Variants in MLF2 observed in about 807,000 individuals in gnomAD.
MLF2 encodes myeloid leukemia factor 2, also known as myelodysplasia-myeloid leukemia factor 2.
In MLF2, 12 loss-of-function variants were observed where a neutral mutation model predicts 31.4. That is an observed-to-expected ratio of 0.38 (90% CI 0.24 to 0.62). The LOEUF is 0.62. MLF2 is among the 20% of genes least tolerant of loss of function. The pLI is 0.58. For missense variants in MLF2, 272 were observed against 359.7 expected, an observed-to-expected ratio of 0.76 and a Z score of 1.97; for synonymous variants, 109 against 118.8, an observed-to-expected ratio of 0.92 and a Z score of 0.54.
intron 4 of MLF2, 100 bp downstream of exon 4, chr12:6,751,541 G>A: frequency 7.6e-7 from 1 of 1,310,102 alleles, no homozygotes. Context: ...AAGATTCTGG[G>A]GTTACTCATG....
rs1941580698 is a variant in MLF2 at position 6,749,669 on chromosome 12, C to T, written c.559+179G>A. ...GGCGGAGGTTGCAGTGAGCTGAGAT[C>T]GCGCCACTGCACTCCAGCCTGGGCA... is the stretch of plus-strand genomic sequence containing the variant. On this transcript the variant is annotated intron_variant, in intron 7 of 8. Transcript: ENST00000203630. The surrounding 1 kb of genome is among the most constrained non-coding windows in gnomAD (Gnocchi z 5.3). 9.0e-6 allele frequency: 7 copies of T among 779,894 alleles called. No individual in the cohort carries two copies. The highest frequency in any genetic ancestry group is 8.1e-5 in the Admixed American group (3 of 37,076). The allele number at this position is 779,894 out of a possible 1,614,324, so 48.3% of individuals were successfully genotyped here.
chr12:6,749,761 C>A lies in MLF2; in HGVS notation c.559+87G>T. 2 of 1,508,478 alleles carry A rather than the reference C, an allele frequency of 1.3e-6. No homozygotes were observed. Among genetic ancestry groups the A allele is most frequent in the South Asian group, 2.4e-5 (2 of 84,568 alleles). 93.4% of individuals were successfully genotyped at this position (1,508,478 alleles called of 1,614,324 possible). A position where few individuals can be genotyped will look rare whatever the true frequency, so the allele number is the denominator to read the frequency against. On this transcript the variant is annotated intron_variant, in intron 7 of 8. Coordinates refer to ENST00000203630, the MANE Select transcript of MLF2 (RefSeq NM_001382226.1). This position sits in a 1 kb window ranked among gnomAD's most constrained non-coding sequence, Gnocchi z 5.3. ...AAAGGAATATGGGGCTGACCCAGAG[C>A]TTTGCCCCAGAAGTGTCTATGTGTT...
In MLF2 at chr12:6,752,165, G is replaced by A. The variant is rs1941626250; in HGVS notation, c.51-111C>T. 2.6e-6 allele frequency: 4 copies of A among 1,556,866 alleles called. No homozygotes were observed. In the East Asian group the frequency reaches 9.3e-5, roughly 36 times the overall value. ...ACAGTGGCACCGATGCCTACTTCCT[G>A]CTAGGTAGGAGCTAGGTATCCAGCC... On this transcript the variant is annotated intron_variant, in intron 2 of 8. Coordinates refer to ENST00000203630, the MANE Select transcript of MLF2 (RefSeq NM_001382226.1). This position sits in a 1 kb window ranked among gnomAD's most constrained non-coding sequence, Gnocchi z 4.6.
Position 6,751,480 on chromosome 12 carries a change from G to A in MLF2, c.216+161C>T, listed in dbSNP as rs115878800. 2.8e-3 allele frequency among the ~76,000 whole-genome samples: 432 copies of A among 152,194 alleles called. 4 individuals carry two copies. The highest frequency in any genetic ancestry group is 0.01 in the African/African-American group (418 of 41,540). On this transcript the variant is annotated intron_variant, in intron 4 of 8. Transcript: ENST00000203630. Reference sequence around the variant, plus strand: ...AAGAGTTTAACACCTTTAACCCACAGGGCTCCTAGTACCCAACAGGCTCAG... The same window carrying A: ...AAGAGTTTAACACCTTTAACCCACAAGGCTCCTAGTACCCAACAGGCTCAG...
chr12:6,750,341 G>A lies in MLF2; in HGVS notation c.271-36C>T, dbSNP rs1375112317. Reference sequence around the variant, plus strand: ...GGTAGGTAGGGGAGGGCTGAATGGGGAGGCATCACCCCTGGTGAAGGGATT... The same window carrying A: ...GGTAGGTAGGGGAGGGCTGAATGGGAAGGCATCACCCCTGGTGAAGGGATT... On this transcript the variant is annotated intron_variant, in intron 5 of 8. Coordinates refer to ENST00000203630, the MANE Select transcript of MLF2 (RefSeq NM_001382226.1). The surrounding 1 kb of genome is among the most constrained non-coding windows in gnomAD (Gnocchi z 5.3). 3.1e-6 allele frequency: 5 copies of A among 1,607,732 alleles called. No individual in the cohort carries two copies. The African/African-American group carries it at 5.3e-5, about 17-fold the overall frequency.
At chr12:6,751,187 A>C in intron 4 of MLF2, 1 of 261,490 alleles carries the variant, frequency 3.8e-6, no homozygotes, top group Non-Finnish European at 7.4e-6. Context: ...ATGCGTATGA[A>C]CTTCTAGGAG....
In MLF2 at chr12:6,751,647, C is replaced by T. The variant is rs1941616985; in HGVS notation, c.210G>A (p.Leu70=). 2 of 1,613,990 alleles carry T rather than the reference C, an allele frequency of 1.2e-6. No individual in the cohort carries two copies. Among genetic ancestry groups the T allele is most frequent in the African/African-American group, 1.3e-5 (1 of 75,032 alleles). ...QAGAVSPFGM[L]GMSGGFMDMF... ...CAGGGAGATAAAGACTCACCATTCC[C>T]AGCATCCCAAAGGGGGAGACAGCTC... Residue 70 remains leucine, a synonymous_variant, in exon 4 of 9, where the codon CTG becomes CTA. Transcript: ENST00000203630.
At chr12:6,751,522 T>C (rs1384223483) in intron 4 of MLF2, 119 bp downstream of exon 4, 34 of 1,220,860 alleles carry the variant, frequency 2.8e-5, no homozygotes, top group Non-Finnish European at 3.8e-5. Context: ...GTGAATGCCA[T>C]AAAAAGAGAA....
At position 6,749,054 on chromosome 12, in the gene MLF2, C is replaced by G; in HGVS notation, c.560-72G>C. On this transcript the variant is annotated intron_variant, in intron 7 of 8. Transcript: ENST00000203630. This position sits in a 1 kb window ranked among gnomAD's most constrained non-coding sequence, Gnocchi z 5.3. The stretch of plus-strand genomic sequence containing the variant: ...TGGAGGCCGATGTGCGAGCGAGCCA[C>G]AGCTTTTCGGGCCAAAGCGGCGAAG... 3 of 1,444,684 alleles carry G rather than the reference C, an allele frequency of 2.1e-6. No individual in the cohort carries two copies. In the South Asian group the frequency reaches 4.3e-5, roughly 21 times the overall value. 89.5% of individuals were successfully genotyped at this position (1,444,684 alleles called of 1,614,324 possible). A position where few individuals can be genotyped will look rare whatever the true frequency, so the allele number is the denominator to read the frequency against.
Position 6,752,466 on chromosome 12 carries a change from G to A in MLF2, c.-28-104C>T. On this transcript the variant is annotated intron_variant, in intron 1 of 8. Transcript: ENST00000203630. The surrounding 1 kb of genome is among the most constrained non-coding windows in gnomAD (Gnocchi z 4.6). Reference sequence around the variant, plus strand: ...ACTGTCCTTTCCAAATCCTGTAACTGACCCCCTAAACTCCAGGGAGACCCT... The same window carrying A: ...ACTGTCCTTTCCAAATCCTGTAACTAACCCCCTAAACTCCAGGGAGACCCT... The A allele has an allele frequency of 1.1e-6, 1 of 938,280 alleles. No individual in the cohort carries two copies. Among genetic ancestry groups the A allele is most frequent in the Non-Finnish European group, 1.6e-6 (1 of 621,180 alleles). The allele number at this position is 938,280 out of a possible 1,614,324, so 58.1% of individuals were successfully genotyped here.
Position 6,749,438 on chromosome 12 carries a change from G to T in MLF2, c.559+410C>A, listed in dbSNP as rs1048013345. Among the ~76,000 whole-genome samples, 1 of 152,262 alleles carries T rather than the reference G, an allele frequency of 6.6e-6. No individual in the cohort carries two copies. Among genetic ancestry groups the T allele is most frequent in the Non-Finnish European group, 1.5e-5 (1 of 68,044 alleles). On this transcript the variant is annotated intron_variant, in intron 7 of 8. Coordinates refer to ENST00000203630, the MANE Select transcript of MLF2 (RefSeq NM_001382226.1). The surrounding 1 kb of genome is among the most constrained non-coding windows in gnomAD (Gnocchi z 5.3). Reference sequence around the variant, plus strand: ...AAGAATATGGGACTGACAGTTGGGTGCAGTGGCTCATGCCTGTAATCCCGG... The same window carrying T: ...AAGAATATGGGACTGACAGTTGGGTTCAGTGGCTCATGCCTGTAATCCCGG...
Position 6,752,199 on chromosome 12 carries a change from C to T in MLF2, c.50+86G>A. 6.5e-7 allele frequency: 1 copy of T among 1,539,440 alleles called. No individual in the cohort carries two copies. Among genetic ancestry groups the T allele is most frequent in the Non-Finnish European group, 8.8e-7 (1 of 1,133,872 alleles). ...GAGCTAGGTATCCAGCCAGTTCCAA[C>T]CATTCCTAGCAATGGGAACCCCGAT... On this transcript the variant is annotated intron_variant, in intron 2 of 8. Coordinates refer to ENST00000203630, the MANE Select transcript of MLF2 (RefSeq NM_001382226.1). This position sits in a 1 kb window ranked among gnomAD's most constrained non-coding sequence, Gnocchi z 4.6.
chr12:6,752,393 A>G lies in MLF2; in HGVS notation c.-28-31T>C. 2 of 1,537,114 alleles carry G rather than the reference A, an allele frequency of 1.3e-6. No individual in the cohort carries two copies. The highest frequency in any genetic ancestry group is 1.8e-6 in the Non-Finnish European group (2 of 1,134,578). On this transcript the variant is annotated intron_variant, in intron 1 of 8. Coordinates refer to ENST00000203630, the MANE Select transcript of MLF2 (RefSeq NM_001382226.1). This position sits in a 1 kb window ranked among gnomAD's most constrained non-coding sequence, Gnocchi z 4.6. ...AAGATATGGAAGCTCAGATACTTGG[A>G]GGTGGCCAGGGTTTTGCACACCCAC...
rs1941555382 is a variant in MLF2, at chr12:6,748,240, C to T, written c.*333G>A. ...GAGGGATGGAGGGGGCCCCTAAACC[C>T]AGAGCTCACCCCAAAATGCATTGAC... On this transcript the variant is annotated 3_prime_UTR_variant, in exon 9 of 9. Transcript: ENST00000203630. This position sits in a 1 kb window ranked among gnomAD's most constrained non-coding sequence, Gnocchi z 4.6. 1 of 152,460 alleles carries T rather than the reference C, an allele frequency of 6.6e-6. No homozygotes were observed. Among genetic ancestry groups the T allele is most frequent in the African/African-American group, 2.4e-5 (1 of 41,414 alleles). The allele number at this position is 152,460 out of a possible 1,614,324, so 9.4% of individuals were successfully genotyped here. A position where few individuals can be genotyped will look rare whatever the true frequency, so the allele number is the denominator to read the frequency against.
Position 6,750,132 on chromosome 12 carries a change from C to A in MLF2, c.399+45G>T. ...AAGCAGCCAGGGTTTCTGGCGGTGC[C>A]GCTCAATCCTACCTTCTCTGGGACA... On this transcript the variant is annotated intron_variant, in intron 6 of 8. Transcript: ENST00000203630. The surrounding 1 kb of genome is among the most constrained non-coding windows in gnomAD (Gnocchi z 5.3). The A allele has an allele frequency of 6.2e-7, 1 of 1,613,678 alleles. No homozygotes were observed. Among genetic ancestry groups the A allele is most frequent in the Non-Finnish European group, 8.5e-7 (1 of 1,179,742 alleles).
At position 6,748,745 on chromosome 12, in the gene MLF2, C is replaced by T; in HGVS notation, c.*25+25G>A. The T allele has an allele frequency of 2.1e-6, 3 of 1,462,140 alleles. No individual in the cohort carries two copies. The highest frequency in any genetic ancestry group is 1.8e-6 in the Non-Finnish European group (2 of 1,108,916). The allele number at this position is 1,462,140 out of a possible 1,614,324, so 90.6% of individuals were successfully genotyped here. A position where few individuals can be genotyped will look rare whatever the true frequency, so the allele number is the denominator to read the frequency against. ...CCGAGGACCGTCCGCAGGTGCACCC[C>T]ACCCTCCTTACTCCTGATACTTACA... On this transcript the variant is annotated intron_variant, in intron 8 of 8. Coordinates refer to ENST00000203630, the MANE Select transcript of MLF2 (RefSeq NM_001382226.1). This position sits in a 1 kb window ranked among gnomAD's most constrained non-coding sequence, Gnocchi z 4.6.
rs1592486189 is a variant in MLF2, at chr12:6,753,108, G to C, written c.-198C>G. ...CCTCCGTACGGCCCCCTCGGCCAAC[G>C]GAGCCCGAACCTCGGCCAGGCCCGG... On this transcript the variant is annotated 5_prime_UTR_variant, in exon 1 of 9. Coordinates refer to ENST00000203630, the MANE Select transcript of MLF2 (RefSeq NM_001382226.1). The C allele has an allele frequency of 2.5e-6, 1 of 392,862 alleles. No individual in the cohort carries two copies. Among genetic ancestry groups the C allele is most frequent in the Non-Finnish European group, 4.5e-6 (1 of 222,988 alleles). 24.3% of individuals were successfully genotyped at this position (392,862 alleles called of 1,614,324 possible).
In MLF2 at chr12:6,749,047, C is replaced by T. The variant is rs552269299; in HGVS notation, c.560-65G>A. 4.2e-5 allele frequency: 61 copies of T among 1,451,396 alleles called. 3 individuals are homozygous for T. The Middle Eastern group carries it at 9.2e-4, about 22-fold the overall frequency. 89.9% of individuals were successfully genotyped at this position (1,451,396 alleles called of 1,614,324 possible). On this transcript the variant is annotated intron_variant, in intron 7 of 8. Coordinates refer to ENST00000203630, the MANE Select transcript of MLF2 (RefSeq NM_001382226.1). The surrounding 1 kb of genome is among the most constrained non-coding windows in gnomAD (Gnocchi z 5.3). The stretch of plus-strand genomic sequence containing the variant: ...TGGCTCCTGGAGGCCGATGTGCGAG[C>T]GAGCCACAGCTTTTCGGGCCAAAGC...
intron 4 of MLF2, 73 bp downstream of exon 4, chr12:6,751,568 G>A (rs375847895): frequency 1.6e-3 from 2,322 of 1,492,496 alleles, no homozygotes; most frequent in Non-Finnish European, 2.0e-3. Context: ...TTCCTAAGAG[G>A]CACATTTGGG....
Sources: allele counts gnomAD v4.1 joint callset (sites outside exome capture counted in the v4.1 genomes callset), GRCh38; gene constraint gnomAD v4.1.1; non-coding constraint Gnocchi (gnomAD v3.1); transcripts MANE v1.5; gene names NCBI Gene and HGNC (gene_info 2026-07-23, HGNC 2026-07-21).